The following PDE7B variants were observed in gnomAD, a reference collection of about 807,000 sequenced individuals.
PDE7B encodes 3',5'-cyclic-AMP phosphodiesterase 7B.
PDE7B carries 29 observed loss-of-function variants against 56.2 expected under a neutral mutation model. The observed-to-expected ratio is 0.52, with a 90% confidence interval of 0.38 to 0.70. The LOEUF (loss-of-function observed/expected upper bound fraction) is 0.70. PDE7B is among the 30% of genes least tolerant of loss of function. The pLI is 0.00. For synonymous variants in PDE7B, 197 were observed against 196.9 expected (o/e 1.00, Z 0.00); for missense variants, 490 against 565.0 (o/e 0.87, Z 1.35).
intron 3 of PDE7B, among the ~76,000 whole-genome samples, chr6:136,113,291 T>TA (rs1415430888): frequency 6.6e-6 from 1 of 152,222 alleles, no homozygotes; most frequent in Non-Finnish European, 1.5e-5. Flanking sequence ...ACAATTTTGT[T>TA]AAAAATAATA....
At chr6:135,871,856 A>G (rs1033779487) in intron 1 of PDE7B, among the ~76,000 whole-genome samples, 8 of 152,144 alleles carry the variant, frequency 5.3e-5, no homozygotes, top group Non-Finnish European at 1.5e-5. Flanking sequence ...AGTAACTATT[A>G]ACTATTGTTT....
intron 2 of PDE7B, among the ~76,000 whole-genome samples, chr6:136,073,510 C>G (rs1777082236): frequency 6.6e-6 from 1 of 152,140 alleles, no homozygotes; most frequent in Admixed American, 6.5e-5. Context: ...TCTGAGGCCT[C>G]TCCCCTCGGC....
chr6:135,905,531 C>T (rs1214130753), intron 1 of PDE7B, among the ~76,000 whole-genome samples: 1 of 152,126 alleles, frequency 6.6e-6, no homozygotes, highest in Non-Finnish European at 1.5e-5. Context: ...ATCACGTTGC[C>T]TCTTTCAGAG....
chr6:135,979,194 T>C (rs915232704), intron 2 of PDE7B, among the ~76,000 whole-genome samples: 11 of 151,866 alleles, frequency 7.2e-5, no homozygotes, highest in Admixed American at 4.6e-4. Flanking sequence ...GATTTGTGTA[T>C]ATTGAACCAG....
chr6:135,931,186 A>G (rs930479418), intron 1 of PDE7B, among the ~76,000 whole-genome samples: 2 of 152,224 alleles, frequency 1.3e-5, no homozygotes, highest in African/African-American at 4.8e-5. Context: ...CATATGCCCA[A>G]TGAGTAGTTA....
intron 2 of PDE7B, among the ~76,000 whole-genome samples, chr6:136,091,744 C>T (rs1777390985): frequency 6.6e-6 from 1 of 152,192 alleles, no homozygotes; most frequent in Non-Finnish European, 1.5e-5. Context: ...CTCCAGTGTG[C>T]TGAAATATTC....
chr6:135,885,629 T>G (rs192374948), intron 1 of PDE7B, among the ~76,000 whole-genome samples: 2 of 152,268 alleles, frequency 1.3e-5, no homozygotes, highest in East Asian at 3.9e-4. Flanking sequence ...TCCAAGAAAT[T>G]AAGCTTTGAA....
intron 1 of PDE7B, among the ~76,000 whole-genome samples, chr6:135,932,185 G>A (rs920993800): frequency 1.3e-5 from 2 of 152,060 alleles, no homozygotes; most frequent in African/African-American, 4.8e-5. Context: ...TGTCATAAAA[G>A]ATTGCCATTT....
chr6:135,966,274 T>C (rs1159663419), intron 2 of PDE7B, among the ~76,000 whole-genome samples: 1 of 152,178 alleles, frequency 6.6e-6, no homozygotes, highest in Non-Finnish European at 1.5e-5. Context: ...CTAGTTTTAA[T>C]GAAGGGGGCT....
intron 3 of PDE7B, among the ~76,000 whole-genome samples, chr6:136,121,041 TATC>T (rs940838162): frequency 6.6e-6 from 1 of 152,144 alleles, no homozygotes; most frequent in African/African-American, 2.4e-5. Context: ...CTGTGGGTAA[TATC>T]ATCTATAAGG....
At chr6:135,941,241 A>G (rs1462885809) in intron 1 of PDE7B, among the ~76,000 whole-genome samples, 1 of 111,518 alleles carries the variant, frequency 9.0e-6, no homozygotes, top group Non-Finnish European at 1.9e-5. Context: ...AGCTCAAGAA[A>G]CTTAGGTTTG....
intron 3 of PDE7B, among the ~76,000 whole-genome samples, chr6:136,139,964 C>G (rs1243150995): frequency 6.6e-6 from 1 of 152,164 alleles, no homozygotes; most frequent in Non-Finnish European, 1.5e-5. Flanking sequence ...TGCAGAAGCT[C>G]TTTAGTTTAA....
At chr6:136,005,117 T>A (rs1775755070) in intron 2 of PDE7B, among the ~76,000 whole-genome samples, 1 of 152,166 alleles carries the variant, frequency 6.6e-6, no homozygotes, top group Non-Finnish European at 1.5e-5. Flanking sequence ...GATTCCCTAT[T>A]TAATAAATGG....
chr6:136,149,282 A>T (rs1778472138), intron 5 of PDE7B, 132 bp downstream of exon 5: 1 of 661,976 alleles, frequency 1.5e-6, no homozygotes, highest in African/African-American at 1.8e-5. Flanking sequence ...ACCTACAGCT[A>T]CTGAAGAAGG....
chr6:135,938,182 C>G (rs1210010820), intron 1 of PDE7B, among the ~76,000 whole-genome samples: 2 of 152,166 alleles, frequency 1.3e-5, no homozygotes, highest in East Asian at 3.9e-4. Context: ...CTTTTTTGTT[C>G]TATATTGCCT....
intron 2 of PDE7B, among the ~76,000 whole-genome samples, chr6:135,982,726 G>A (rs1459629359): frequency 6.6e-6 from 1 of 152,184 alleles, no homozygotes; most frequent in Admixed American, 6.5e-5. Flanking sequence ...CAAAGTTCTA[G>A]AAGATGGGTT....
intron 1 of PDE7B, among the ~76,000 whole-genome samples, chr6:135,918,408 G>A (rs1773999501): frequency 6.6e-6 from 1 of 152,246 alleles, no homozygotes; most frequent in East Asian, 1.9e-4. Flanking sequence ...GGGAATGGCA[G>A]CTACCCATAT....
At chr6:136,174,004 C>A in intron 9 of PDE7B, 116 bp downstream of exon 9, 1 of 716,042 alleles carries the variant, frequency 1.4e-6, no homozygotes, top group Non-Finnish European at 2.5e-6. Flanking sequence ...GGCTGTACTT[C>A]CTGCCTGCAC....
At chr6:135,942,968 A>T (rs1224657469) in intron 1 of PDE7B, among the ~76,000 whole-genome samples, 1 of 152,170 alleles carries the variant, frequency 6.6e-6, no homozygotes, top group African/African-American at 2.4e-5. Flanking sequence ...GCAGTATTTT[A>T]TAGCATTCAT....
Sources: gnomAD v4.1 joint callset for allele counts (sites outside exome capture counted in the v4.1 genomes callset) on GRCh38, gnomAD v4.1.1 for gene constraint, MANE v1.5 for transcripts, NCBI Gene and HGNC (gene_info 2026-07-23, HGNC 2026-07-21) for gene names.